SENP1: variants seen among roughly 807,000 people sequenced by gnomAD.
SENP1 encodes the protein SUMO specific peptidase 1.
In SENP1, 21 loss-of-function variants were observed where a neutral mutation model predicts 93.0. That is an observed-to-expected ratio of 0.23 (90% CI 0.16 to 0.33). The LOEUF (loss-of-function observed/expected upper bound fraction) is 0.33, where lower values mean the gene tolerates loss of function less well. Among genes scored for constraint, SENP1 ranks in the 10% least tolerant of loss-of-function variants. SENP1 has a pLI of 1.00. For synonymous variants in SENP1, 256 were observed against 259.6 expected, an observed-to-expected ratio of 0.99 and a Z score of 0.13; for missense variants, 591 against 758.7, an observed-to-expected ratio of 0.78 and a Z score of 2.60.
At chr12:48,063,589 T>G in intron 13 of SENP1, 121 bp downstream of exon 13, 4 of 927,390 alleles carry the variant, frequency 4.3e-6, no homozygotes, top group South Asian at 1.7e-5. Context: ...AAGAGGCCTA[T>G]GAGAGATGAT....
intron 6 of SENP1, among the ~76,000 whole-genome samples, chr12:48,083,261 A>G (rs1330490057): frequency 2.6e-5 from 4 of 152,184 alleles, no homozygotes; most frequent in Non-Finnish European, 5.9e-5. Flanking sequence ...TCCATAGGAG[A>G]CAACGGTTTA....
Position 48,098,016 on chromosome 12 carries a change from T to G in SENP1, c.113A>C (p.Gln38Pro). Reference sequence around the variant, plus strand: ...AACCTGCTGGTCAGAAAGCGAAAGCTGGTCCTCTGGAAAACCTGTTTGTGG... The same window carrying G: ...AACCTGCTGGTCAGAAAGCGAAAGCGGGTCCTCTGGAAAACCTGTTTGTGG... ...LLPQTGFPED[Q>P]LSLSDQQILS... is the part of the protein sequence containing the mutation. The change falls in exon 3 of 18, where the codon CAG becomes CCG. Residue 38 changes from glutamine (Q) to proline (P), a missense_variant. Gln to Pro is a moderately conservative substitution (Grantham distance 76, BLOSUM62 -1). Around this residue, in one of 4 missense-constraint regions of SENP1, gnomAD observed 214 missense variants for 243.4 expected, o/e 0.88. Transcript: ENST00000549518. 6.2e-7 allele frequency: 1 copy of G among 1,613,822 alleles called. No individual in the cohort carries two copies. Among genetic ancestry groups the G allele is most frequent in the Non-Finnish European group, 8.5e-7 (1 of 1,179,792 alleles).
intron 13 of SENP1, among the ~76,000 whole-genome samples, chr12:48,051,082 G>GAA (rs5798058): frequency 1.8e-3 from 243 of 131,686 alleles, no homozygotes; most frequent in African/African-American, 6.1e-3. Flanking sequence ...AGTCTGAAGT[G>GAA]AAAAAAAAAA....
At chr12:48,074,186 G>T in intron 8 of SENP1, 138 bp downstream of exon 8, 1 of 742,446 alleles carries the variant, frequency 1.3e-6, no homozygotes, top group Non-Finnish European at 2.1e-6. Flanking sequence ...TCAGATTTTG[G>T]AACATTTCGG....
At chr12:48,057,526 G>A (rs1474748673) in intron 13 of SENP1, among the ~76,000 whole-genome samples, 3 of 146,066 alleles carry the variant, frequency 2.1e-5, no homozygotes, top group African/African-American at 2.5e-5. Context: ...CACTGCGCCC[G>A]ACCTGTATTA....
intron 9 of SENP1, among the ~76,000 whole-genome samples, chr12:48,069,152 C>CAAAAAAAAAAAAAAAA (rs10564674): frequency 2.6e-4 from 20 of 76,334 alleles, no homozygotes; most frequent in African/African-American, 7.3e-4. Flanking sequence ...GACTCTGTCA[C>CAAAAAAAAAAAAAAAA]AAAAAAAAAA....
intron 14 of SENP1, 53 bp downstream of exon 14, chr12:48,048,876 G>A: frequency 7.3e-7 from 1 of 1,378,560 alleles, no homozygotes; most frequent in Non-Finnish European, 1.0e-6. Flanking sequence ...CCCTCTGTGT[G>A]TTCTATAAGT....
chr12:48,078,533 T>C (rs1230908146), intron 6 of SENP1, among the ~76,000 whole-genome samples: 3 of 151,424 alleles, frequency 2.0e-5, no homozygotes, highest in Admixed American at 6.6e-5. Context: ...TATTTCTTTT[T>C]TTTTTGAGAC....
intron 4 of SENP1, among the ~76,000 whole-genome samples, chr12:48,091,946 G>A (rs1385646129): frequency 6.6e-6 from 1 of 152,148 alleles, no homozygotes; most frequent in African/African-American, 2.4e-5. Context: ...CTCCCAAAGT[G>A]CTAGGATTAC....
At chr12:48,052,806 G>A (rs1436611470) in intron 13 of SENP1, among the ~76,000 whole-genome samples, 1 of 152,150 alleles carries the variant, frequency 6.6e-6, no homozygotes, top group African/African-American at 2.4e-5. Context: ...TGGTTAATCA[G>A]GGCTAGTTCT....
chr12:48,098,638 C>A, intron 2 of SENP1, among the ~76,000 whole-genome samples: 1 of 125,562 alleles, frequency 8.0e-6, no homozygotes. Context: ...AGCAAAACTC[C>A]ATCTCAAAAA....
intron 6 of SENP1, among the ~76,000 whole-genome samples, chr12:48,081,010 G>A (rs1012907151): frequency 1.3e-5 from 2 of 152,160 alleles, no homozygotes; most frequent in African/African-American, 4.8e-5. Flanking sequence ...GCTGGCAGAG[G>A]AGGCAAAAGA....
chr12:48,097,585 A>T (rs1433312336), intron 3 of SENP1, among the ~76,000 whole-genome samples: 1 of 152,216 alleles, frequency 6.6e-6, no homozygotes, highest in Non-Finnish European at 1.5e-5. Context: ...GCTCCCAAGT[A>T]ATGTTGATGC....
At chr12:48,061,024 A>C (rs1208573855) in intron 13 of SENP1, among the ~76,000 whole-genome samples, 1 of 152,188 alleles carries the variant, frequency 6.6e-6, no homozygotes, top group Non-Finnish European at 1.5e-5. Context: ...AAAAATCTTA[A>C]AACCTACTGT....
chr12:48,094,935 T>G (rs1479643298), intron 4 of SENP1, among the ~76,000 whole-genome samples: 2 of 152,200 alleles, frequency 1.3e-5, no homozygotes, highest in East Asian at 3.8e-4. Flanking sequence ...AATATTGACC[T>G]ATCAAACCAG....
chr12:48,088,488 A>C (rs1370400813), intron 5 of SENP1: 1 of 319,052 alleles, frequency 3.1e-6, no homozygotes, highest in Non-Finnish European at 5.8e-6. Flanking sequence ...TTCCTGCTCA[A>C]ATTGTGGAGA....
chr12:48,096,506 A>T, intron 3 of SENP1, 79 bp from the exon 4 acceptor site: 1 of 826,684 alleles, frequency 1.2e-6, no homozygotes, highest in South Asian at 1.5e-5. Flanking sequence ...CCCAGGCTGG[A>T]GTACACCGGC....
intron 4 of SENP1, among the ~76,000 whole-genome samples, chr12:48,096,064 TCAAAAA>T (rs1565807104): frequency 6.6e-6 from 1 of 151,754 alleles, no homozygotes; most frequent in African/African-American, 2.4e-5. Flanking sequence ...CAAAAAAAGG[TCAAAAA>T]CAAAGTTGTA....
chr12:48,097,149 A>G (rs552868144), intron 3 of SENP1, among the ~76,000 whole-genome samples: 12 of 152,240 alleles, frequency 7.9e-5, no homozygotes, highest in Non-Finnish European at 1.8e-4. Flanking sequence ...ATATGTATTT[A>G]GTACATCCTG....
Sources: gnomAD v4.1 joint callset for allele counts (sites outside exome capture counted in the v4.1 genomes callset) on GRCh38, gnomAD v4.1.1 for gene constraint, gnomAD v4.1.1 regional missense constraint, MANE v1.5 for transcripts, NCBI Gene and HGNC (gene_info 2026-07-23, HGNC 2026-07-21) for gene names.